The following MYOF variants were observed in gnomAD, a reference collection of about 807,000 sequenced individuals.
MYOF encodes myoferlin.
In MYOF, 244 loss-of-function variants were observed where a neutral mutation model predicts 284.2. The ratio of observed to expected loss-of-function variants is 0.86; its 90% CI spans 0.77 to 0.95. The LOEUF is 0.95. Ranked by LOEUF, MYOF falls within the 40% of genes least tolerant of loss-of-function variation. The pLI, the probability that MYOF is intolerant of heterozygous loss-of-function variation, is 0.00. For synonymous variants in MYOF, 904 were observed against 919.7 expected (o/e 0.98, Z 0.31); for missense variants, 2,496 against 2,560.6 (o/e 0.97, Z 0.54).
In MYOF at chr10:93,409,682, G is replaced by A. The variant is rs554546769; in HGVS notation, c.491C>T (p.Pro164Leu). The A allele has an allele frequency of 3.2e-5, 52 of 1,614,158 alleles. 2 individuals carry two copies. The South Asian group carries it at 5.6e-4, about 17-fold the overall frequency. Residue 164 changes from proline to leucine, a missense_variant, in exon 6 of 54, where the codon CCT becomes CTT. Around this residue, in one of 3 missense-constraint regions of MYOF, gnomAD observed 2,436 missense variants for 2,480.7 expected, o/e 0.98. Coordinates refer to ENST00000359263, the MANE Select transcript of MYOF (RefSeq NM_013451.4). ...EDRLDNAVRG[P>L]GPKGPVGTVS... is the part of the protein sequence containing the mutation. Reference sequence around the variant, plus strand: ...CGTCCCAACTGGCCCCTTGGGCCCAGGGCCCCTGACTGCATTGTCCAACCT... The same window carrying A: ...CGTCCCAACTGGCCCCTTGGGCCCAAGGCCCCTGACTGCATTGTCCAACCT...
Position 93,431,412 on chromosome 10 carries a change from G to GT in MYOF, c.340dup (p.Thr114AsnfsTer6). ...AATAAGAGAGAAAACACTCACCCCA[G>GT]TATCTTGCCCTTTTTCATTTAGCAG... On this transcript the variant is annotated frameshift_variant, in exon 4 of 54. Coordinates refer to ENST00000359263, the MANE Select transcript of MYOF (RefSeq NM_013451.4). LOFTEE classifies it high-confidence loss of function. 1.9e-6 allele frequency: 3 copies of GT among 1,613,432 alleles called. No homozygotes were observed. The highest frequency in any genetic ancestry group is 2.5e-6 in the Non-Finnish European group (3 of 1,179,488).
At chr10:93,435,712 C>A (rs1287768417) in intron 3 of MYOF, among the ~76,000 whole-genome samples, 2 of 152,038 alleles carry the variant, frequency 1.3e-5, no homozygotes, top group African/African-American at 2.4e-5. Context: ...TGTCATCTCA[C>A]CACTTTGGGA....
intron 3 of MYOF, among the ~76,000 whole-genome samples, chr10:93,436,705 G>A (rs1180156817): frequency 6.6e-6 from 1 of 152,116 alleles, no homozygotes; most frequent in Non-Finnish European, 1.5e-5. Context: ...ACGTTGCCTG[G>A]ATACAAAATA....
At chr10:93,397,810 C>T (rs973061133) in intron 13 of MYOF, among the ~76,000 whole-genome samples, 3 of 151,956 alleles carry the variant, frequency 2.0e-5, no homozygotes, top group African/African-American at 7.3e-5. Flanking sequence ...TGACCCTGCC[C>T]GCCAGCCTCC....
intron 50 of MYOF, among the ~76,000 whole-genome samples, chr10:93,315,417 G>A (rs1480537524): frequency 6.6e-6 from 1 of 152,118 alleles, no homozygotes; most frequent in East Asian, 1.9e-4. Context: ...GGCGGGGCGT[G>A]GGGAGAAAAG....
rs1388964893 is a variant in MYOF, at chr10:93,478,830, A to AG, written c.88+3276_88+3277insC. ...ATGGCAGGGTGAAACAGTCTCAAAA[A>AG]AAAAAAAAAAAAAGAAAGAAAGAAA... On this transcript the variant is annotated intron_variant, in intron 1 of 53. Transcript: ENST00000359263. 4.1e-3 allele frequency among the ~76,000 whole-genome samples: 432 copies of AG among 105,108 alleles called. 3 individuals are homozygous for AG. The highest frequency in any genetic ancestry group is 0.013 in the Middle Eastern group (3 of 228). 69.0% of individuals were successfully genotyped at this position (105,108 alleles called of 152,430 possible).
chr10:93,433,057 G>A (rs1848944100), intron 3 of MYOF, among the ~76,000 whole-genome samples: 1 of 152,202 alleles, frequency 6.6e-6, no homozygotes. Flanking sequence ...GTAAAGCGAG[G>A]AAGTTCCTTG....
chr10:93,359,842 G>A lies in MYOF; in HGVS notation c.3111C>T (p.Ser1037=). ...CCCTTGCTTCTCTTACCCTTGCGGTGCTTGAAGCAGTCTGTGTTAAATCTT... is the reference window on the plus strand; with the variant it reads ...CCCTTGCTTCTCTTACCCTTGCGGTACTTGAAGCAGTCTGTGTTAAATCTT... ...RKKDLTQTAS[S]TARAMEELQD... is the part of the protein sequence containing the mutation. Residue 1037 remains serine, a synonymous_variant, in exon 29 of 54, where the codon AGC becomes AGT. Coordinates refer to ENST00000359263, the MANE Select transcript of MYOF (RefSeq NM_013451.4). 6.2e-7 allele frequency: 1 copy of A among 1,614,178 alleles called. No individual in the cohort carries two copies. The highest frequency in any genetic ancestry group is 1.7e-5 in the Admixed American group (1 of 60,026).
intron 46 of MYOF, 106 bp from the exon 47 acceptor site, chr10:93,323,464 C>G (rs1295882749): frequency 2.1e-6 from 2 of 965,934 alleles, no homozygotes; most frequent in East Asian, 5.2e-5. Context: ...TCTTTGGTCT[C>G]TCTAATTTAT....
chr10:93,408,371 C>G (rs1237233585), intron 7 of MYOF, among the ~76,000 whole-genome samples: 1 of 151,962 alleles, frequency 6.6e-6, no homozygotes, highest in Non-Finnish European at 1.5e-5. Context: ...AGTGAAACCT[C>G]TACTGAAAAT....
chr10:93,325,891 CCT>C lies in MYOF; in HGVS notation c.5204_5205del (p.Gln1735ArgfsTer5), dbSNP rs1843022502. The C allele has an allele frequency of 3.1e-6, 5 of 1,613,974 alleles. No homozygotes were observed. Among genetic ancestry groups the C allele is most frequent in the Non-Finnish European group, 4.2e-6 (5 of 1,180,002 alleles). On this transcript the variant is annotated frameshift_variant, in exon 46 of 54. Transcript: ENST00000359263. LOFTEE classifies it high-confidence loss of function. ...ERLALHILRT[Q>X]GLVPEHVETR... ...GTTTCCACGTGCTCAGGGACCAGCC[CCT>C]GAGTCCTGAGGATGTGAAGAGCAAG...
In MYOF at chr10:93,427,600, A is replaced by G. The variant is rs74949776; in HGVS notation, c.346-1442T>C. Among the ~76,000 whole-genome samples the G allele has an allele frequency of 4.0e-3, 604 of 152,078 alleles. 1 individual carries two copies. The highest frequency in any genetic ancestry group is 0.014 in the African/African-American group (563 of 41,478). On this transcript the variant is annotated intron_variant, in intron 4 of 53. Transcript: ENST00000359263. Reference sequence around the variant, plus strand: ...AAAGTTGTGATTCATAAAATAGGATAAAAAAAGGAGAATTGAATCTGGCTA... The same window carrying G: ...AAAGTTGTGATTCATAAAATAGGATGAAAAAAGGAGAATTGAATCTGGCTA...
chr10:93,383,138 C>A (rs947945248), intron 19 of MYOF, among the ~76,000 whole-genome samples: 2 of 152,114 alleles, frequency 1.3e-5, no homozygotes, highest in Non-Finnish European at 2.9e-5. Context: ...CTCAAGTGAC[C>A]TGCCTGCCTC....
At chr10:93,467,900 A>G (rs2057050231) in intron 1 of MYOF, among the ~76,000 whole-genome samples, 1 of 152,220 alleles carries the variant, frequency 6.6e-6, no homozygotes, top group Non-Finnish European at 1.5e-5. Context: ...AGAGGGTGCC[A>G]GGCGACCTGT....
intron 7 of MYOF, among the ~76,000 whole-genome samples, chr10:93,407,859 C>T (rs1847688012): frequency 6.6e-6 from 1 of 151,972 alleles, no homozygotes; most frequent in African/African-American, 2.4e-5. Flanking sequence ...TTTGACACCT[C>T]TAAAAAACTG....
intron 19 of MYOF, among the ~76,000 whole-genome samples, chr10:93,385,289 C>T (rs567273750): frequency 6.6e-6 from 1 of 152,288 alleles, no homozygotes; most frequent in South Asian, 2.1e-4. Context: ...CTGATTCTTA[C>T]TGTGGAAGTG....
At chr10:93,340,016 C>T in intron 39 of MYOF, 137 bp downstream of exon 39, 1 of 862,892 alleles carries the variant, frequency 1.2e-6, no homozygotes, top group East Asian at 2.8e-5. Context: ...GGGGGCGGAG[C>T]CTGCAGTGAG....
At chr10:93,431,306 T>A (rs1848853862) in intron 4 of MYOF, 102 bp downstream of exon 4, 2 of 918,620 alleles carry the variant, frequency 2.2e-6, no homozygotes, top group Non-Finnish European at 3.4e-6. Context: ...GTGCTGGGAT[T>A]ACAGGTGTGA....
At chr10:93,370,380 C>T (rs187743125) in intron 24 of MYOF, among the ~76,000 whole-genome samples, 1 of 141,526 alleles carries the variant, frequency 7.1e-6, no homozygotes, top group South Asian at 2.2e-4. Flanking sequence ...GGCTCAATCT[C>T]GGCTCACTGC....
Sources: gnomAD v4.1 joint callset for allele counts (sites outside exome capture counted in the v4.1 genomes callset) on GRCh38, gnomAD v4.1.1 for gene constraint, gnomAD v4.1.1 regional missense constraint, MANE v1.5 for transcripts, NCBI Gene and HGNC (gene_info 2026-07-23, HGNC 2026-07-21) for gene names.